The following TUB variants were observed in gnomAD, a reference collection of about 807,000 sequenced individuals.
The protein encoded by TUB is TUB bipartite transcription factor, also known as tubby protein homolog.
In TUB, 33 loss-of-function variants were observed where a neutral mutation model predicts 59.7. The ratio of observed to expected loss-of-function variants is 0.55; its 90% CI spans 0.42 to 0.74. The LOEUF is 0.74. TUB is among the 30% of genes least tolerant of loss of function. The pLI is 0.00. For missense variants in TUB, 659 were observed against 672.0 expected, an observed-to-expected ratio of 0.98 and a Z score of 0.21; for synonymous variants, 293 against 256.4, an observed-to-expected ratio of 1.14 and a Z score of -1.36.
chr11:8,019,327 A>G, exon 1 of TUB: 1 of 1,282,886 alleles, frequency 7.8e-7, no homozygotes, highest in Non-Finnish European at 9.8e-7. Flanking sequence ...CAGCCACCGG[A>G]CCCTGTCTTA....
intron 2 of TUB, among the ~76,000 whole-genome samples, chr11:8,048,444 C>T (rs1237243972): frequency 1.3e-5 from 2 of 152,110 alleles, no homozygotes; most frequent in African/African-American, 2.4e-5. Context: ...TTCTGTCACT[C>T]AGGCTGGAAC....
At chr11:8,031,902 G>T (rs1461090825) in intron 1 of TUB, among the ~76,000 whole-genome samples, 1 of 152,024 alleles carries the variant, frequency 6.6e-6, no homozygotes, top group Non-Finnish European at 1.5e-5. Flanking sequence ...CGCCCCCCTC[G>T]GGCCACTTCG....
chr11:8,094,853 C>A (rs1349649024), intron 4 of TUB, among the ~76,000 whole-genome samples: 3 of 152,204 alleles, frequency 2.0e-5, no homozygotes, highest in Non-Finnish European at 4.4e-5. Flanking sequence ...AGGCCATGGG[C>A]TTCTGGAGCT....
chr11:8,066,130 G>A (rs900516298), intron 2 of TUB, among the ~76,000 whole-genome samples: 4 of 152,150 alleles, frequency 2.6e-5, no homozygotes, highest in Non-Finnish European at 5.9e-5. Flanking sequence ...TGAGGCTGTG[G>A]GGGCTCCAAG....
intron 11 of TUB, among the ~76,000 whole-genome samples, chr11:8,101,208 CA>C (rs1399465656): frequency 1.6e-4 from 24 of 152,298 alleles, no homozygotes; most frequent in African/African-American, 5.8e-4. Flanking sequence ...TCTGTGTATT[CA>C]ACGGAGTCTC....
At chr11:8,054,711 T>C (rs1026580491) in intron 2 of TUB, among the ~76,000 whole-genome samples, 6 of 152,334 alleles carry the variant, frequency 3.9e-5, no homozygotes, top group East Asian at 3.9e-4. Flanking sequence ...TCTGCAGCCA[T>C]GGAGATTTCC....
At chr11:8,025,758 C>T (rs974727123) in intron 1 of TUB, among the ~76,000 whole-genome samples, 9 of 152,160 alleles carry the variant, frequency 5.9e-5, no homozygotes, top group Non-Finnish European at 8.8e-5. Flanking sequence ...ACAAATAAAG[C>T]TTTTGTGAAT....
chr11:8,062,539 G>A (rs1425151506), intron 2 of TUB, among the ~76,000 whole-genome samples: 5 of 132,452 alleles, frequency 3.8e-5, no homozygotes, highest in Admixed American at 2.3e-4. Context: ...GTGTGTGTGT[G>A]TACACATGAG....
At chr11:8,019,282 C>G (rs1942382122) in exon 1 of TUB, 5 of 1,261,068 alleles carry the variant, frequency 4.0e-6, no homozygotes, top group Non-Finnish European at 5.0e-6. Context: ...CGCGGAGCCC[C>G]GAGCGGAGCC....
intron 2 of TUB, among the ~76,000 whole-genome samples, chr11:8,060,401 C>A (rs1186493497): frequency 6.6e-6 from 1 of 152,186 alleles, no homozygotes; most frequent in Non-Finnish European, 1.5e-5. Context: ...CCACCTCTGA[C>A]TTAGGAGTTG....
intron 1 of TUB, among the ~76,000 whole-genome samples, chr11:8,025,775 G>A (rs1240783975): frequency 6.6e-6 from 1 of 152,190 alleles, no homozygotes; most frequent in African/African-American, 2.4e-5. Flanking sequence ...GAATATTCAT[G>A]TACAGGTCTT....
intron 11 of TUB, 24 bp downstream of exon 11, chr11:8,101,021 T>C (rs750331493): frequency 1.2e-6 from 2 of 1,613,670 alleles, no homozygotes; most frequent in South Asian, 1.1e-5. Context: ...TCCCTACTCA[T>C]TATGGTCCGT....
At chr11:8,049,746 A>G (rs1019067489) in intron 2 of TUB, among the ~76,000 whole-genome samples, 9 of 152,096 alleles carry the variant, frequency 5.9e-5, no homozygotes, top group Admixed American at 5.9e-4. Context: ...ATAAAACAAT[A>G]TAAGGAAGAA....
chr11:8,023,203 T>C (rs1942454883), intron 1 of TUB, among the ~76,000 whole-genome samples: 1 of 152,072 alleles, frequency 6.6e-6, no homozygotes, highest in Non-Finnish European at 1.5e-5. Context: ...AGCTGCAGGG[T>C]CTCTTGAGGC....
chr11:8,055,559 C>G (rs763249049), intron 2 of TUB, among the ~76,000 whole-genome samples: 1 of 152,226 alleles, frequency 6.6e-6, no homozygotes, highest in Non-Finnish European at 1.5e-5. Flanking sequence ...CAGGCCCTTA[C>G]CCTGGCCGCA....
At chr11:8,056,711 ATG>A (rs2133764757) in intron 2 of TUB, among the ~76,000 whole-genome samples, 2 of 151,850 alleles carry the variant, frequency 1.3e-5, no homozygotes, top group South Asian at 4.2e-4. Context: ...GTCTGAGGTG[ATG>A]TGTGGGAGGC....
intron 1 of TUB, among the ~76,000 whole-genome samples, chr11:8,081,867 G>C (rs2133815027): frequency 6.6e-6 from 1 of 152,328 alleles, no homozygotes; most frequent in South Asian, 2.1e-4. Flanking sequence ...CAGAACCCCA[G>C]TCACACGCCT....
At chr11:8,027,608 G>A (rs544273967) in intron 1 of TUB, among the ~76,000 whole-genome samples, 191 of 152,204 alleles carry the variant, frequency 1.3e-3, no homozygotes, top group African/African-American at 4.5e-3. Flanking sequence ...TCTGCCTCTC[G>A]GGTTCAAGCA....
chr11:8,098,657 C>A, intron 8 of TUB, 101 bp from the exon 9 acceptor site: 1 of 846,654 alleles, frequency 1.2e-6, no homozygotes, highest in Non-Finnish European at 1.9e-6. Context: ...CCTGTTCCAG[C>A]CCAGAATGTT....
Sources: allele counts gnomAD v4.1 joint callset (sites outside exome capture counted in the v4.1 genomes callset), GRCh38; gene constraint gnomAD v4.1.1; transcripts MANE v1.5; gene names NCBI Gene and HGNC (gene_info 2026-07-23, HGNC 2026-07-21).